The following CELF2 variants were observed in gnomAD, a reference collection of about 807,000 sequenced individuals.
The protein encoded by CELF2 is CUGBP Elav-like family member 2.
In CELF2, 8 loss-of-function variants were observed where a neutral mutation model predicts 62.6. That is an observed-to-expected ratio of 0.13 (90% confidence interval 0.07 to 0.23). The LOEUF (loss-of-function observed/expected upper bound fraction) is 0.23, where lower values mean the gene tolerates loss of function less well. Ranked by LOEUF, CELF2 falls within the 10% of genes least tolerant of loss-of-function variation. The pLI, the probability that CELF2 is intolerant of heterozygous loss-of-function variation, is 1.00. For synonymous variants in CELF2, 258 were observed against 250.0 expected, an observed-to-expected ratio of 1.03 and a Z score of -0.30; for missense variants, 333 against 671.0, an observed-to-expected ratio of 0.50 and a Z score of 5.56.
chr10:11,048,063 G>T (rs1385836946), intron 1 of CELF2, among the ~76,000 whole-genome samples: 1 of 152,042 alleles, frequency 6.6e-6, no homozygotes, highest in Non-Finnish European at 1.5e-5. Flanking sequence ...CTCTTCTCAG[G>T]TTCATTGTTT....
intron 1 of CELF2, among the ~76,000 whole-genome samples, chr10:10,889,044 A>C (rs539887961): frequency 6.6e-6 from 1 of 152,056 alleles, no homozygotes; most frequent in East Asian, 1.9e-4. Context: ...ACACCCCATC[A>C]CCCTCCTTTT....
chr10:11,292,813 G>A (rs1251701055), intron 9 of CELF2, among the ~76,000 whole-genome samples: 1 of 152,168 alleles, frequency 6.6e-6, no homozygotes, highest in Non-Finnish European at 1.5e-5. Context: ...GTGTGACTTG[G>A]TCGCTGATCT....
At chr10:10,471,848 T>A in the CELF2 span, among the ~76,000 whole-genome samples, 1 of 151,848 alleles carries the variant, frequency 6.6e-6, no homozygotes, top group East Asian at 1.9e-4. Context: ...ATCTTCCTTT[T>A]TTGGATAGCT....
At chr10:10,914,598 C>T (rs1052107507) in intron 1 of CELF2, among the ~76,000 whole-genome samples, 29 of 151,944 alleles carry the variant, frequency 1.9e-4, no homozygotes, top group African/African-American at 5.3e-4. Flanking sequence ...TTCAAATTTG[C>T]GGAGAGCTTT....
At position 11,319,694 on chromosome 10, in the gene CELF2, C is replaced by A. The variant is rs950862495; in HGVS notation, c.1097-1495C>A. 2.9e-5 allele frequency: 13 copies of A among 445,918 alleles called. No homozygotes were observed. In the East Asian group the frequency reaches 7.0e-4, roughly 24 times the overall value. The allele number at this position is 445,918 out of a possible 1,614,324, so 27.6% of individuals were successfully genotyped here. A position where few individuals can be genotyped will look rare whatever the true frequency, so the allele number is the denominator to read the frequency against. On this transcript the variant is annotated intron_variant, in intron 10 of 12. Coordinates refer to ENST00000633077, the MANE Select transcript of CELF2 (RefSeq NM_001326342.2). The surrounding 1 kb of genome is among the most constrained non-coding windows in gnomAD (Gnocchi z 4.4). ...CTCACGCCATTCACACTCGTCTCGCCACCCCTGCTTGGTGTCTGTTCTGAG... is the reference window on the plus strand; with the variant it reads ...CTCACGCCATTCACACTCGTCTCGCAACCCCTGCTTGGTGTCTGTTCTGAG...
At chr10:10,910,703 A>T (rs2063736065) in intron 1 of CELF2, among the ~76,000 whole-genome samples, 1 of 127,988 alleles carries the variant, frequency 7.8e-6, no homozygotes, top group Non-Finnish European at 1.6e-5. Flanking sequence ...CTGCCTCAAA[A>T]AAAAAAAAAA....
the CELF2 span, among the ~76,000 whole-genome samples, chr10:10,791,875 T>C: frequency 3.3e-5 from 5 of 152,194 alleles, 1 homozygote; most frequent in Admixed American, 3.3e-4. Flanking sequence ...GTATTGTTTT[T>C]CTAATAGCTT....
intron 1 of CELF2, among the ~76,000 whole-genome samples, chr10:11,112,802 A>G (rs1319610138): frequency 6.6e-6 from 1 of 152,260 alleles, no homozygotes; most frequent in Non-Finnish European, 1.5e-5. Context: ...TTTGAAACGG[A>G]ACCATGAGTA....
the CELF2 span, among the ~76,000 whole-genome samples, chr10:10,729,456 C>T: frequency 1.3e-5 from 2 of 152,138 alleles, no homozygotes; most frequent in Non-Finnish European, 2.9e-5. Context: ...CAGAAAGCAA[C>T]ATGCCAAAAA....
intron 1 of CELF2, among the ~76,000 whole-genome samples, chr10:10,900,825 G>T (rs1235762528): frequency 6.6e-6 from 1 of 152,130 alleles, no homozygotes; most frequent in African/African-American, 2.4e-5. Flanking sequence ...GTAGAAAATT[G>T]AATAAAATCT....
At chr10:11,149,301 C>G (rs2062861547) in intron 1 of CELF2, among the ~76,000 whole-genome samples, 1 of 152,190 alleles carries the variant, frequency 6.6e-6, no homozygotes, top group African/African-American at 2.4e-5. Context: ...GAATTCTGAC[C>G]TCAGATGATC....
chr10:11,014,017 T>C (rs2056874802), upstream of CELF2, among the ~76,000 whole-genome samples: 1 of 152,258 alleles, frequency 6.6e-6, no homozygotes, highest in South Asian at 2.1e-4. Context: ...TTCAAATGTA[T>C]TGCCTGGCAA....
chr10:10,650,979 A>C, the CELF2 span, among the ~76,000 whole-genome samples: 1 of 151,938 alleles, frequency 6.6e-6, no homozygotes, highest in Admixed American at 6.6e-5. Context: ...CTCACTAGGG[A>C]GTGCCAGACA....
chr10:11,164,329 G>A (rs1224101191), intron 1 of CELF2, among the ~76,000 whole-genome samples: 1 of 152,174 alleles, frequency 6.6e-6, no homozygotes, highest in Non-Finnish European at 1.5e-5. Flanking sequence ...GAGGGTGGGG[G>A]CAAGTGAAAA....
chr10:10,537,954 C>T, the CELF2 span, among the ~76,000 whole-genome samples: 90 of 152,220 alleles, frequency 5.9e-4, no homozygotes, highest in South Asian at 1.7e-3. Context: ...GGGTGCAGTG[C>T]ATACAGTCCA....
intron 1 of CELF2, among the ~76,000 whole-genome samples, chr10:10,823,671 CAG>C: frequency 6.6e-6 from 1 of 152,176 alleles, no homozygotes; most frequent in Admixed American, 6.5e-5. Context: ...CTAAATGCGG[CAG>C]AGATAATCGT....
intron 1 of CELF2, among the ~76,000 whole-genome samples, chr10:11,099,367 T>G (rs906737852): frequency 1.3e-5 from 2 of 152,238 alleles, no homozygotes; most frequent in Non-Finnish European, 1.5e-5. Flanking sequence ...TTAATAACAT[T>G]TTTGAAGGAG....
rs1246371179 is a variant in CELF2 at position 11,314,058 on chromosome 10, A to G, written c.977-81A>G. The G allele has an allele frequency of 7.2e-7, 1 of 1,394,998 alleles. No individual in the cohort carries two copies. The highest frequency in any genetic ancestry group is 1.0e-6 in the Non-Finnish European group (1 of 1,002,276). The allele number at this position is 1,394,998 out of a possible 1,614,324, so 86.4% of individuals were successfully genotyped here. A position where few individuals can be genotyped will look rare whatever the true frequency, so the allele number is the denominator to read the frequency against. On this transcript the variant is annotated intron_variant, in intron 9 of 12. Coordinates refer to ENST00000633077, the MANE Select transcript of CELF2 (RefSeq NM_001326342.2). The surrounding 1 kb of genome is among the most constrained non-coding windows in gnomAD (Gnocchi z 5.3). ...CAGCTCCTCAGCTCCGTCCACTGAG[A>G]TGATGACAGAAGGATTTCCAGTCTC...
At chr10:10,658,280 G>GA in the CELF2 span, among the ~76,000 whole-genome samples, 4,057 of 152,186 alleles carry the variant, frequency 0.027, 147 homozygotes, top group Admixed American at 0.082. Flanking sequence ...TTATGGCCTT[G>GA]AGAGTGTTGA....
Sources: allele counts gnomAD v4.1 joint callset (sites outside exome capture counted in the v4.1 genomes callset), GRCh38; gene constraint gnomAD v4.1.1; non-coding constraint Gnocchi (gnomAD v3.1); transcripts MANE v1.5; gene names NCBI Gene and HGNC (gene_info 2026-07-23, HGNC 2026-07-21).